Variants in COL4A5 observed in about 807,000 individuals in gnomAD.
The protein encoded by COL4A5 is collagen alpha-5(IV) chain.
A neutral mutation model predicts 130.2 loss-of-function variants in COL4A5; 26 were observed. The ratio of observed to expected loss-of-function variants is 0.20; its 90% confidence interval spans 0.15 to 0.28. The LOEUF is 0.28. Ranked by LOEUF, COL4A5 falls within the 10% of genes least tolerant of loss-of-function variation. The pLI is 1.00. For synonymous variants in COL4A5, 496 were observed against 439.6 expected (o/e 1.13, Z -1.60); for missense variants, 1,131 against 1,344.3 (o/e 0.84, Z 2.48).
chrX:108,492,845 G>A (rs1161884007), intron 1 of COL4A5, among the ~76,000 whole-genome samples: 7 of 111,314 alleles, frequency 6.3e-5, no homozygotes, highest in African/African-American at 1.6e-4. Flanking sequence ...CTCAACTGCA[G>A]AAAATCATTG....
At position 108,683,426 on chromosome X, in the gene COL4A5, T is replaced by C. The variant is rs937235335; in HGVS notation, c.4216+1538T>C. Among the ~76,000 whole-genome samples, 3 of 111,836 alleles carry C rather than the reference T, an allele frequency of 2.7e-5. No homozygotes were observed. The East Asian group carries it at 8.4e-4, about 31-fold the overall frequency. On this transcript the variant is annotated intron_variant, in intron 47 of 52. Transcript: ENST00000328300. ...TTAAAGTAGTTTTTTTCTAATTCTGTAAAGAAAGTCAATAGTAGCTTGATG... is the reference window on the plus strand; with the variant it reads ...TTAAAGTAGTTTTTTTCTAATTCTGCAAAGAAAGTCAATAGTAGCTTGATG...
intron 1 of COL4A5, among the ~76,000 whole-genome samples, chrX:108,487,645 C>T (rs180819266): frequency 6.3e-5 from 7 of 111,639 alleles, no homozygotes; most frequent in African/African-American, 1.6e-4. Flanking sequence ...TCCACTTAAA[C>T]GAATTCAAAA....
intron 29 of COL4A5, 123 bp from the exon 30 acceptor site, chrX:108,614,788 G>A: frequency 3.8e-6 from 2 of 526,052 alleles, no homozygotes; most frequent in Non-Finnish European, 6.9e-6. Flanking sequence ...TGATACTTAT[G>A]TGTACTTTTC....
At chrX:108,662,534 T>C (rs948625365) in intron 37 of COL4A5, among the ~76,000 whole-genome samples, 19 of 111,389 alleles carry the variant, frequency 1.7e-4, no homozygotes, top group African/African-American at 6.2e-4. Flanking sequence ...ACAAAATCAG[T>C]GTGCAAAAAT....
chrX:108,475,453 C>T (rs1336209137), intron 1 of COL4A5, among the ~76,000 whole-genome samples: 1 of 111,416 alleles, frequency 9.0e-6, no homozygotes, highest in Non-Finnish European at 1.9e-5. Context: ...TAGCTAGGAC[C>T]TCCAATATAA....
intron 1 of COL4A5, among the ~76,000 whole-genome samples, chrX:108,455,543 C>T (rs908315041): frequency 2.7e-5 from 3 of 112,069 alleles, no homozygotes; most frequent in African/African-American, 6.5e-5. Context: ...AGATGTAGAA[C>T]GTTTCCATTA....
At chrX:108,600,404 T>C (rs1250012325) in intron 25 of COL4A5, among the ~76,000 whole-genome samples, 4 of 111,369 alleles carry the variant, frequency 3.6e-5, no homozygotes, top group Non-Finnish European at 7.5e-5. Context: ...GGAAATCTTT[T>C]TTTTCTTGAG....
intron 36 of COL4A5, among the ~76,000 whole-genome samples, chrX:108,635,996 A>G (rs1363046307): frequency 2.7e-5 from 3 of 112,295 alleles, no homozygotes; most frequent in Middle Eastern, 8.4e-3. Context: ...GAGTGGGGGA[A>G]GTGTTGACAA....
At chrX:108,569,026 A>G (rs770331090) in intron 6 of COL4A5, 1 of 405,577 alleles carries the variant, frequency 2.5e-6, no homozygotes, top group South Asian at 4.9e-5. Flanking sequence ...GGGATATTGC[A>G]TTGGGTTAAA....
chrX:108,469,305 A>C lies in COL4A5; in HGVS notation c.81+29099A>C, dbSNP rs187746626. 2.8e-5 allele frequency among the ~76,000 whole-genome samples: 3 copies of C among 107,507 alleles called. No individual in the cohort carries two copies. The Admixed American group carries it at 3.0e-4, about 11-fold the overall frequency. 93.4% of individuals were successfully genotyped at this position (107,507 alleles called of 115,157 possible). A position where few individuals can be genotyped will look rare whatever the true frequency, so the allele number is the denominator to read the frequency against. On this transcript the variant is annotated intron_variant, in intron 1 of 52. Coordinates refer to ENST00000328300, the MANE Select transcript of COL4A5 (RefSeq NM_033380.3). Reference sequence around the variant, plus strand: ...AGGCACCTGTCACTGTGCCTGGCTAATTTTTTAATTTTTATTTTTTGCAGA... The same window carrying C: ...AGGCACCTGTCACTGTGCCTGGCTACTTTTTTAATTTTTATTTTTTGCAGA...
chrX:108,693,134 C>T (rs749974313), intron 50 of COL4A5, among the ~76,000 whole-genome samples: 6 of 111,636 alleles, frequency 5.4e-5, no homozygotes, highest in Admixed American at 3.8e-4. Flanking sequence ...GTGTAATAGC[C>T]AGATAATGCA....
In COL4A5 at chrX:108,687,536, G is replaced by A; in HGVS notation, c.4370G>A (p.Gly1457Asp). 8.3e-7 allele frequency: 1 copy of A among 1,211,421 alleles called. No individual in the cohort carries two copies. Among genetic ancestry groups the A allele is most frequent in the Non-Finnish European group, 1.1e-6 (1 of 895,466 alleles). Residue 1457 changes from glycine (G) to aspartate (D), a missense_variant, in exon 49 of 53, where the codon GGT (glycine) becomes GAT (aspartate). Physicochemically the swap from Gly to Asp is moderately conservative, Grantham distance 94. Coordinates refer to ENST00000328300, the MANE Select transcript of COL4A5 (RefSeq NM_033380.3). ...CCAGATGGATTGCAAGGTCCCCCAG[G>A]TCCCCCTGGAACCTCCTCTGTTGCA... ...PGPDGLQGPP[G>D]PPGTSSVAHG...
intron 2 of COL4A5, among the ~76,000 whole-genome samples, chrX:108,542,363 T>C (rs1174514768): frequency 1.8e-5 from 2 of 108,653 alleles, no homozygotes; most frequent in South Asian, 4.1e-4. Context: ...CAGTGTTTGG[T>C]TTCTTGTCCT....
chrX:108,542,500 C>T (rs1489228374), intron 2 of COL4A5, among the ~76,000 whole-genome samples: 2 of 110,620 alleles, frequency 1.8e-5, no homozygotes, highest in Admixed American at 9.6e-5. Flanking sequence ...CTTAATCCAG[C>T]CTATCATTGT....
intron 28 of COL4A5, among the ~76,000 whole-genome samples, chrX:108,603,305 C>T (rs1488795111): frequency 1.9e-5 from 2 of 105,888 alleles, no homozygotes; most frequent in African/African-American, 6.9e-5. Flanking sequence ...CTTTTGAATG[C>T]CCAGTTCTTT....
At chrX:108,518,983 AC>A (rs1360352458) in intron 1 of COL4A5, among the ~76,000 whole-genome samples, 1 of 111,920 alleles carries the variant, frequency 8.9e-6, no homozygotes, top group Non-Finnish European at 1.9e-5. Context: ...AGTCAAGAAA[AC>A]GATTCTAGCT....
At chrX:108,664,227 T>A (rs1048061540) in intron 37 of COL4A5, among the ~76,000 whole-genome samples, 4 of 111,675 alleles carry the variant, frequency 3.6e-5, no homozygotes, top group African/African-American at 1.3e-4. Context: ...GATTGAGAAA[T>A]AGATCAATGA....
intron 1 of COL4A5, among the ~76,000 whole-genome samples, chrX:108,470,026 A>G (rs1241603879): frequency 1.8e-5 from 2 of 112,341 alleles, no homozygotes; most frequent in Non-Finnish European, 3.8e-5. Flanking sequence ...TTCTCTATCC[A>G]ATTCACCATC....
chrX:108,524,871 A>G (rs1172677395), intron 1 of COL4A5, among the ~76,000 whole-genome samples: 4 of 111,917 alleles, frequency 3.6e-5, no homozygotes, highest in Non-Finnish European at 7.5e-5. Flanking sequence ...TGTAATTGCA[A>G]TACTTTTAAG....
Sources: gnomAD v4.1 joint callset for allele counts (sites outside exome capture counted in the v4.1 genomes callset) on GRCh38, gnomAD v4.1.1 for gene constraint, MANE v1.5 for transcripts, NCBI Gene and HGNC (gene_info 2026-07-23, HGNC 2026-07-21) for gene names.